The following DGKI variants were observed in gnomAD, a reference collection of about 807,000 sequenced individuals.
DGKI encodes the protein DAG kinase iota.
A neutral mutation model predicts 147.5 loss-of-function variants in DGKI; 55 were observed. The ratio of observed to expected loss-of-function variants is 0.37; its 90% CI spans 0.30 to 0.47. The LOEUF (loss-of-function observed/expected upper bound fraction) is 0.47, where lower values mean the gene tolerates loss of function less well. DGKI is among the 20% of genes least tolerant of loss of function. DGKI has a pLI of 1.00. For missense variants in DGKI, 1,007 were observed against 1,323.8 expected, an observed-to-expected ratio of 0.76 and a Z score of 3.71; for synonymous variants, 469 against 477.1, an observed-to-expected ratio of 0.98 and a Z score of 0.22.
At chr7:137,533,561 T>G (rs1817414782) in intron 20 of DGKI, among the ~76,000 whole-genome samples, 2 of 152,050 alleles carry the variant, frequency 1.3e-5, no homozygotes, top group African/African-American at 4.8e-5. Flanking sequence ...AGACAAGAGC[T>G]TTTACTCAAG....
At chr7:137,475,112 G>A (rs1815123791) in intron 23 of DGKI, among the ~76,000 whole-genome samples, 1 of 152,126 alleles carries the variant, frequency 6.6e-6, no homozygotes, top group Non-Finnish European at 1.5e-5. Context: ...AGGGTCTCAT[G>A]GGACACAGGC....
chr7:137,614,384 C>T (rs181135488), intron 8 of DGKI, among the ~76,000 whole-genome samples: 174 of 152,252 alleles, frequency 1.1e-3, no homozygotes, highest in African/African-American at 3.8e-3. Context: ...AGAAAATTCA[C>T]GTAAGTCTCA....
At chr7:137,577,509 G>A (rs546456991) in intron 16 of DGKI, among the ~76,000 whole-genome samples, 15 of 152,292 alleles carry the variant, frequency 9.8e-5, no homozygotes, top group Admixed American at 2.6e-4. Context: ...TAAGAACACA[G>A]AATGAGAGTG....
At position 137,581,772 on chromosome 7, in the gene DGKI, A is replaced by T. The variant is rs1333681622; in HGVS notation, c.1642+78T>A. On this transcript the variant is annotated intron_variant, in intron 15 of 32. Coordinates refer to ENST00000614521, the MANE Select transcript of DGKI (RefSeq NM_001321708.2). The stretch of plus-strand genomic sequence containing the variant: ...AGCACACTGTAAACGCGTAAGTGAT[A>T]TACAAACAAAAGGGAACATGCAAAA... 4.8e-6 allele frequency: 6 copies of T among 1,248,568 alleles called. No homozygotes were observed. The East Asian group carries it at 1.4e-4, about 29-fold the overall frequency. The allele number at this position is 1,248,568 out of a possible 1,614,324, so 77.3% of individuals were successfully genotyped here.
chr7:137,594,534 A>G (rs557994491), intron 12 of DGKI, among the ~76,000 whole-genome samples: 1 of 152,272 alleles, frequency 6.6e-6, no homozygotes, highest in African/African-American at 2.4e-5. Context: ...AAAATATTCA[A>G]TTTCTGATTT....
chr7:137,649,043 T>A (rs1229044702), intron 5 of DGKI, among the ~76,000 whole-genome samples: 1 of 152,150 alleles, frequency 6.6e-6, no homozygotes, highest in South Asian at 2.1e-4. Context: ...ATGTCCAGCA[T>A]CCTTCTGTTC....
intron 16 of DGKI, among the ~76,000 whole-genome samples, 200 bp from the exon 17 acceptor site, chr7:137,577,484 G>A (rs1184925309): frequency 6.6e-6 from 1 of 152,158 alleles, no homozygotes; most frequent in Non-Finnish European, 1.5e-5. Flanking sequence ...ATAATTTACA[G>A]TTTCACTATA....
chr7:137,624,079 G>A (rs1248022706), intron 6 of DGKI, among the ~76,000 whole-genome samples: 4 of 152,126 alleles, frequency 2.6e-5, no homozygotes, highest in Non-Finnish European at 4.4e-5. Flanking sequence ...CCCTTGAGAT[G>A]TCTCCACTCA....
At chr7:137,519,101 G>A (rs1015865090) in intron 21 of DGKI, among the ~76,000 whole-genome samples, 6 of 152,052 alleles carry the variant, frequency 3.9e-5, no homozygotes, top group Non-Finnish European at 8.8e-5. Flanking sequence ...AGAGCTGAGG[G>A]AAAGATTGAC....
At chr7:137,638,604 A>ATATATACACATATATACATATATG (rs1563125792) in intron 6 of DGKI, among the ~76,000 whole-genome samples, 1 of 5,684 alleles carries the variant, frequency 1.8e-4, no homozygotes, top group Non-Finnish European at 3.5e-4. Flanking sequence ...ACATATATGT[A>ATATATACACATATATACATATATG]TATATATACA....
intron 28 of DGKI, among the ~76,000 whole-genome samples, chr7:137,413,213 C>T (rs1812227816): frequency 1.4e-5 from 2 of 141,680 alleles, no homozygotes; most frequent in East Asian, 2.1e-4. Context: ...TTGCAGTGAG[C>T]GGAGATCGCG....
At chr7:137,444,191 T>C (rs1813622327) in intron 27 of DGKI, 89 bp from the exon 28 acceptor site, 1 of 806,014 alleles carries the variant, frequency 1.2e-6, no homozygotes, top group Non-Finnish European at 1.9e-6. Context: ...TACCCTCAAA[T>C]TGAATTAAAT....
At chr7:137,775,521 G>A (rs1203304046) in intron 1 of DGKI, among the ~76,000 whole-genome samples, 1 of 152,156 alleles carries the variant, frequency 6.6e-6, no homozygotes, top group Non-Finnish European at 1.5e-5. Flanking sequence ...TTGCATCTGG[G>A]TTTATATTTT....
intron 1 of DGKI, among the ~76,000 whole-genome samples, chr7:137,778,537 T>C (rs548560843): frequency 6.2e-4 from 94 of 152,016 alleles, no homozygotes; most frequent in African/African-American, 2.2e-3. Context: ...CTTCTGTTAA[T>C]AGCAAAGTAG....
At chr7:137,797,580 TATTAAA>T (rs1434127704) in intron 1 of DGKI, among the ~76,000 whole-genome samples, 5 of 152,236 alleles carry the variant, frequency 3.3e-5, no homozygotes, top group Admixed American at 6.5e-5. Context: ...TTTTGAAAAC[TATTAAA>T]ATTAAGTTGA....
chr7:137,427,682 G>A (rs912392778), intron 28 of DGKI, among the ~76,000 whole-genome samples: 2 of 151,146 alleles, frequency 1.3e-5, no homozygotes, highest in African/African-American at 4.9e-5. Context: ...AAAGAGAGAA[G>A]AATCAAATAG....
At chr7:137,485,546 C>A in intron 22 of DGKI, 128 bp from the exon 23 acceptor site, 1 of 696,786 alleles carries the variant, frequency 1.4e-6, no homozygotes, top group Non-Finnish European at 2.4e-6. Flanking sequence ...CGAACACACC[C>A]AAATTCATAA....
At chr7:137,445,799 T>C (rs372110331) in intron 27 of DGKI, among the ~76,000 whole-genome samples, 1 of 152,080 alleles carries the variant, frequency 6.6e-6, no homozygotes, top group East Asian at 1.9e-4. Context: ...TTGGTTATAA[T>C]GTGGACACTC....
intron 20 of DGKI, chr7:137,545,791 G>T (rs576149120): frequency 2.8e-5 from 15 of 528,526 alleles, no homozygotes; most frequent in African/African-American, 2.1e-4. Flanking sequence ...TGGTGAGGTG[G>T]CTTCCTTATC....
Sources: gnomAD v4.1 joint callset for allele counts (sites outside exome capture counted in the v4.1 genomes callset) on GRCh38, gnomAD v4.1.1 for gene constraint, MANE v1.5 for transcripts, NCBI Gene and HGNC (gene_info 2026-07-23, HGNC 2026-07-21) for gene names.